The following TBC1D30 variants were observed in gnomAD, a reference collection of about 807,000 sequenced individuals.
The protein encoded by TBC1D30 is TBC1 domain family, member 30.
Under a neutral mutation model 63.2 loss-of-function variants are expected in TBC1D30, and 31 were observed. The observed-to-expected ratio is 0.49, with a 90% CI of 0.37 to 0.66. The LOEUF is 0.66. Ranked by LOEUF, TBC1D30 falls within the 30% of genes least tolerant of loss-of-function variation. The pLI, the probability that TBC1D30 is intolerant of heterozygous loss-of-function variation, is 0.00. For synonymous variants in TBC1D30, 307 were observed against 361.5 expected (o/e 0.85, Z 1.71); for missense variants, 810 against 953.6 (o/e 0.85, Z 1.98).
intron 8 of TBC1D30, among the ~76,000 whole-genome samples, chr12:64,860,876 A>G (rs1267688745): frequency 6.6e-6 from 1 of 152,170 alleles, no homozygotes; most frequent in African/African-American, 2.4e-5. Flanking sequence ...CTCACCACCC[A>G]ACACACTGCT....
chr12:64,823,687 G>A (rs921608895), upstream of TBC1D30, among the ~76,000 whole-genome samples: 5 of 151,944 alleles, frequency 3.3e-5, no homozygotes, highest in Admixed American at 1.3e-4. Flanking sequence ...ATGGGGTCTC[G>A]CTATGTTGCC....
In TBC1D30 at chr12:64,866,794, A is replaced by T; in HGVS notation, c.1182A>T (p.Glu394Asp). ...ATAGTAAGGCCAGAGACAGTGATGA[A>T]GAGAATGACCCAGACGATGAGGATG... ...GRHSKARDSD[E>D]ENDPDDEDAV... is the part of the protein sequence containing the mutation. Residue 394 changes from glutamate (E) to aspartate (D), a missense_variant, in exon 10 of 12, where the codon GAA (glutamate) becomes GAT (aspartate). Glu to Asp is a conservative substitution (Grantham distance 45, BLOSUM62 2). Coordinates refer to ENST00000539867, the MANE Select transcript of TBC1D30 (RefSeq NM_015279.2). The T allele has an allele frequency of 6.5e-7, 1 of 1,536,626 alleles. No homozygotes were observed. The highest frequency in any genetic ancestry group is 8.7e-7 in the Non-Finnish European group (1 of 1,147,012).
intron 8 of TBC1D30, among the ~76,000 whole-genome samples, chr12:64,855,093 GT>G (rs143540688): frequency 0.043 from 6,499 of 151,522 alleles, 454 homozygotes; most frequent in African/African-American, 0.15. Context: ...TAGGGTAGAA[GT>G]TTTTTTTTCT....
At chr12:64,776,078 A>G (rs1011253448), upstream of TBC1D30, among the ~76,000 whole-genome samples, 6 of 152,336 alleles carry the variant, frequency 3.9e-5, no homozygotes, top group African/African-American at 9.6e-5. Flanking sequence ...TTCGAAACTA[A>G]TGAGAACAAA....
chr12:64,874,856 A>G lies in TBC1D30; in HGVS notation c.1499-145A>G, dbSNP rs191094316. The G allele has an allele frequency of 1.1e-3, 806 of 713,636 alleles. 6 individuals carry two copies. In the African/African-American group the frequency reaches 0.013, roughly 12 times the overall value. 44.2% of individuals were successfully genotyped at this position (713,636 alleles called of 1,614,324 possible). On this transcript the variant is annotated intron_variant, in intron 11 of 11. Transcript: ENST00000539867. Reference sequence around the variant, plus strand: ...GTTGAATTCAGTTTCTGCTGTCTTCAGTCACATGACTCTGCCCCTCCCTGG... The same window carrying G: ...GTTGAATTCAGTTTCTGCTGTCTTCGGTCACATGACTCTGCCCCTCCCTGG...
chr12:64,832,842 G>A (rs903850392), intron 5 of TBC1D30, among the ~76,000 whole-genome samples: 4 of 152,176 alleles, frequency 2.6e-5, no homozygotes, highest in African/African-American at 9.6e-5. Flanking sequence ...GCCTTTTATA[G>A]TTCCTTGCCA....
At position 64,879,014 on chromosome 12, in the gene TBC1D30, T is replaced by G. The variant is rs1320886646; in HGVS notation, c.*3226T>G. 1 of 152,582 alleles carries G rather than the reference T, an allele frequency of 6.6e-6. No homozygotes were observed. The highest frequency in any genetic ancestry group is 1.9e-4 in the East Asian group (1 of 5,206). 9.5% of individuals were successfully genotyped at this position (152,582 alleles called of 1,614,324 possible). On this transcript the variant is annotated 3_prime_UTR_variant, in exon 12 of 12. Coordinates refer to ENST00000539867, the MANE Select transcript of TBC1D30 (RefSeq NM_015279.2). ...CTGCCATCTCCCCATATAAAAACTC[T>G]CTTTACATCGTTTCTGAGCCACTTT...
Position 64,772,230 on chromosome 12 carries a change from T to C in TBC1D30, c.-376+12581T>C, listed in dbSNP as rs537843939. ...CCAGCCTGGGCAACAAGAGTGAAAC[T>C]CTGTCTCAAAAAAAAAAAAAAAAAA... On this transcript the variant is annotated intron_variant, in intron 1 of 13. Coordinates refer to the TBC1D30 transcript ENST00000674237. Among the ~76,000 whole-genome samples the C allele has an allele frequency of 2.0e-4, 25 of 127,304 alleles. 1 individual carries two copies. In the South Asian group the frequency reaches 5.4e-3, roughly 28 times the overall value. 83.5% of individuals were successfully genotyped at this position (127,304 alleles called of 152,430 possible). A position where few individuals can be genotyped will look rare whatever the true frequency, so the allele number is the denominator to read the frequency against.
At chr12:64,868,715 A>G (rs191260064) in intron 10 of TBC1D30, 76 of 215,662 alleles carry the variant, frequency 3.5e-4, no homozygotes, top group African/African-American at 1.7e-3. Context: ...CAGCTGGAAA[A>G]GAGGATTCTT....
At chr12:64,781,090 G>GCCT (rs1205450109) in exon 1 of TBC1D30, 1 of 1,002,964 alleles carries the variant, frequency 1.0e-6, no homozygotes, top group Non-Finnish European at 1.2e-6. Context: ...GCTGCACAGA[G>GCCT]GAGGAGGAGG....
At chr12:64,763,871 C>T (rs757076625) in intron 1 of TBC1D30, among the ~76,000 whole-genome samples, 1 of 152,112 alleles carries the variant, frequency 6.6e-6, no homozygotes, top group Non-Finnish European at 1.5e-5. Flanking sequence ...CTCAGGTGAT[C>T]CACCCACCTT....
chr12:64,768,989 G>T (rs78001404), intron 1 of TBC1D30, among the ~76,000 whole-genome samples: 1 of 151,840 alleles, frequency 6.6e-6, no homozygotes, highest in Admixed American at 6.6e-5. Flanking sequence ...AAACCCCATC[G>T]CTACAATAAA....
intron 2 of TBC1D30, among the ~76,000 whole-genome samples, chr12:64,828,128 A>G (rs1358326244): frequency 6.6e-6 from 1 of 152,220 alleles, no homozygotes; most frequent in African/African-American, 2.4e-5. Flanking sequence ...TAAAATGAAT[A>G]AATTTCACAC....
intron 1 of TBC1D30, among the ~76,000 whole-genome samples, chr12:64,782,633 G>A (rs1334402810): frequency 6.6e-6 from 1 of 152,130 alleles, no homozygotes; most frequent in African/African-American, 2.4e-5. Context: ...AGGGAATTCT[G>A]GGGATTAGTA....
At chr12:64,830,101 G>C (rs1036160715) in intron 3 of TBC1D30, among the ~76,000 whole-genome samples, 5 of 152,160 alleles carry the variant, frequency 3.3e-5, no homozygotes, top group African/African-American at 9.7e-5. Context: ...TTCTTGGTTT[G>C]TCTTTCTAAC....
intron 8 of TBC1D30, among the ~76,000 whole-genome samples, chr12:64,853,970 C>A (rs1328614573): frequency 1.3e-5 from 2 of 152,206 alleles, no homozygotes; most frequent in Non-Finnish European, 2.9e-5. Flanking sequence ...CTATATGTAT[C>A]TTTACAGGTG....
chr12:64,781,771 T>C (rs1871309683), intron 1 of TBC1D30, among the ~76,000 whole-genome samples: 1 of 151,862 alleles, frequency 6.6e-6, no homozygotes, highest in Non-Finnish European at 1.5e-5. Flanking sequence ...TGAGGCAGAA[T>C]AATTCGATAA....
chr12:64,812,386 C>T (rs1268722209), intron 2 of TBC1D30, among the ~76,000 whole-genome samples: 1 of 152,162 alleles, frequency 6.6e-6, no homozygotes, highest in Non-Finnish European at 1.5e-5. Context: ...GTTAATCCTC[C>T]TCCTATATTT....
chr12:64,852,718 T>C (rs1289955856), intron 8 of TBC1D30, among the ~76,000 whole-genome samples: 3 of 152,232 alleles, frequency 2.0e-5, no homozygotes, highest in African/African-American at 7.2e-5. Flanking sequence ...TTTCTGTTTG[T>C]TAGTTTTCTT....
Sources: allele counts gnomAD v4.1 joint callset (sites outside exome capture counted in the v4.1 genomes callset), GRCh38; gene constraint gnomAD v4.1.1; transcripts MANE v1.5; gene names NCBI Gene and HGNC (gene_info 2026-07-23, HGNC 2026-07-21).